The following CCDC149 variants were observed in gnomAD, a reference collection of about 807,000 sequenced individuals.
CCDC149 encodes coiled-coil domain-containing protein 149.
A neutral mutation model predicts 59.9 loss-of-function variants in CCDC149; 45 were observed. The ratio of observed to expected loss-of-function variants is 0.75; its 90% confidence interval spans 0.59 to 0.96. The LOEUF is 0.96. Ranked by LOEUF, CCDC149 falls within the 40% of genes least tolerant of loss-of-function variation. The probability of loss-of-function intolerance (pLI) is 0.00; values close to 1 mark genes in which losing one functional copy is unlikely to be tolerated. For missense variants in CCDC149, 584 were observed against 664.7 expected, an observed-to-expected ratio of 0.88 and a Z score of 1.33; for synonymous variants, 245 against 260.6, an observed-to-expected ratio of 0.94 and a Z score of 0.58.
At chr4:24,849,929 T>C (rs1394082198) in intron 4 of CCDC149, among the ~76,000 whole-genome samples, 1 of 152,202 alleles carries the variant, frequency 6.6e-6, no homozygotes, top group South Asian at 2.1e-4. Flanking sequence ...AGGACACTTA[T>C]CCCTTGTCCC....
At chr4:24,817,586 T>C (rs768602757) in intron 12 of CCDC149, among the ~76,000 whole-genome samples, 1 of 152,026 alleles carries the variant, frequency 6.6e-6, no homozygotes, top group Non-Finnish European at 1.5e-5. Flanking sequence ...TGCACTATTA[T>C]GAGTGATTTA....
chr4:24,892,228 C>T (rs1007868530), intron 1 of CCDC149, among the ~76,000 whole-genome samples: 7 of 152,124 alleles, frequency 4.6e-5, no homozygotes. Flanking sequence ...CCACTTCTAG[C>T]TGAAGGATCT....
chr4:24,853,866 A>G (rs1251076964), intron 3 of CCDC149, among the ~76,000 whole-genome samples: 1 of 152,166 alleles, frequency 6.6e-6, no homozygotes, highest in African/African-American at 2.4e-5. Context: ...AAGAAATGCA[A>G]CAGTTTCCTG....
intron 1 of CCDC149, among the ~76,000 whole-genome samples, chr4:24,959,342 A>G (rs1482281832): frequency 1.3e-5 from 2 of 152,090 alleles, no homozygotes; most frequent in Admixed American, 1.3e-4. Flanking sequence ...TGCCAACCCT[A>G]ACATCTAACT....
At chr4:24,833,780 G>C (rs1170371825) in intron 8 of CCDC149, among the ~76,000 whole-genome samples, 1 of 152,200 alleles carries the variant, frequency 6.6e-6, no homozygotes, top group African/African-American at 2.4e-5. Flanking sequence ...GCATATGTCT[G>C]TAATTGTTTT....
At chr4:24,824,050 C>G (rs1021843958) in intron 9 of CCDC149, among the ~76,000 whole-genome samples, 1 of 152,160 alleles carries the variant, frequency 6.6e-6, no homozygotes, top group Non-Finnish European at 1.5e-5. Context: ...TGTTTCTTAA[C>G]GAGATCAGAT....
chr4:24,861,480 G>A (rs1303988974), intron 3 of CCDC149, among the ~76,000 whole-genome samples: 2 of 152,100 alleles, frequency 1.3e-5, no homozygotes, highest in African/African-American at 4.8e-5. Context: ...CTGGGGACTC[G>A]AAGGGAAGGG....
chr4:24,906,366 T>TTGTATTTTATTTTTATTTTA (rs1721510472), intron 1 of CCDC149, among the ~76,000 whole-genome samples: 1 of 22,020 alleles, frequency 4.5e-5, no homozygotes, highest in Admixed American at 5.9e-4. Flanking sequence ...GCGGAACAAA[T>TTGTATTTTATTTTTATTTTA]TTTATTTTAT....
intron 1 of CCDC149, among the ~76,000 whole-genome samples, chr4:24,945,902 T>C (rs1723095273): frequency 6.6e-6 from 1 of 152,178 alleles, no homozygotes; most frequent in African/African-American, 2.4e-5. Context: ...ATTACAGCTA[T>C]GAGCCACCAT....
At chr4:24,914,289 C>T (rs1294441912), upstream of CCDC149, among the ~76,000 whole-genome samples, 1 of 151,310 alleles carries the variant, frequency 6.6e-6, no homozygotes, top group Non-Finnish European at 1.5e-5. Flanking sequence ...GCAATCATTC[C>T]CCTTCTTTGT....
chr4:24,920,130 A>C (rs929570618), intron 1 of CCDC149, among the ~76,000 whole-genome samples: 14 of 152,204 alleles, frequency 9.2e-5, no homozygotes, highest in Non-Finnish European at 2.9e-5. Context: ...CTATTGCTAT[A>C]CAACAAGCTA....
At chr4:24,951,073 G>A (rs1723273819) in intron 1 of CCDC149, among the ~76,000 whole-genome samples, 1 of 152,214 alleles carries the variant, frequency 6.6e-6, no homozygotes, top group African/African-American at 2.4e-5. Context: ...CCTCAGGCAG[G>A]GATACACAGG....
intron 4 of CCDC149, among the ~76,000 whole-genome samples, chr4:24,847,617 A>C (rs561300840): frequency 1.3e-5 from 2 of 152,330 alleles, no homozygotes; most frequent in South Asian, 4.1e-4. Context: ...TGGTGAATAA[A>C]TGATTAAACA....
chr4:24,846,833 C>T (rs901269842), intron 4 of CCDC149, among the ~76,000 whole-genome samples: 1 of 152,202 alleles, frequency 6.6e-6, no homozygotes, highest in Non-Finnish European at 1.5e-5. Flanking sequence ...CATTTGCCTA[C>T]CGCAAACTTC....
At chr4:24,843,492 CA>C (rs1399192715) in intron 4 of CCDC149, among the ~76,000 whole-genome samples, 1 of 152,130 alleles carries the variant, frequency 6.6e-6, no homozygotes, top group Admixed American at 6.5e-5. Flanking sequence ...CAAATACCTT[CA>C]AAAAAACTGG....
chr4:24,822,449 A>G (rs990987027), intron 10 of CCDC149, 48 bp downstream of exon 10: 5 of 1,315,006 alleles, frequency 3.8e-6, no homozygotes, highest in Non-Finnish European at 5.1e-6. Context: ...ATTTCTTAAA[A>G]AAAAGAAAAA....
intron 12 of CCDC149, among the ~76,000 whole-genome samples, chr4:24,816,084 TTTTAA>T (rs1368210569): frequency 1.3e-5 from 2 of 152,036 alleles, no homozygotes; most frequent in African/African-American, 2.4e-5. Context: ...AAATTTAAAT[TTTTAA>T]TTTAATTTTT....
intron 4 of CCDC149, among the ~76,000 whole-genome samples, chr4:24,839,020 TCTCTCTCTCACACACACACA>T (rs1203800875): frequency 1.8e-5 from 2 of 111,124 alleles, no homozygotes; most frequent in Non-Finnish European, 3.6e-5. Flanking sequence ...TCTCTCTCTC[TCTCTCTCTCACACACACACA>T]CACACACACA....
At chr4:24,833,543 G>C (rs1313407345) in intron 8 of CCDC149, among the ~76,000 whole-genome samples, 1 of 152,142 alleles carries the variant, frequency 6.6e-6, no homozygotes, top group East Asian at 1.9e-4. Context: ...AGAATCGCTT[G>C]AATCTGGGAG....
Sources: allele counts gnomAD v4.1 joint callset (sites outside exome capture counted in the v4.1 genomes callset), GRCh38; gene constraint gnomAD v4.1.1; transcripts MANE v1.5; gene names NCBI Gene and HGNC (gene_info 2026-07-23, HGNC 2026-07-21).